FUT8: variants seen among roughly 807,000 people sequenced by gnomAD.
FUT8 encodes alpha-(1,6)-fucosyltransferase.
In FUT8, 29 loss-of-function variants were observed where a neutral mutation model predicts 71.3. That is an observed-to-expected ratio of 0.41 (90% CI 0.30 to 0.55). FUT8 has a LOEUF of 0.55. Among genes scored for constraint, FUT8 ranks in the 20% least tolerant of loss-of-function variants. The pLI is 0.34. For synonymous variants in FUT8, 254 were observed against 239.3 expected (o/e 1.06, Z -0.57); for missense variants, 544 against 702.1 (o/e 0.77, Z 2.55).
chr14:65,429,470 T>C (rs1157938758), intron 1 of FUT8, among the ~76,000 whole-genome samples: 1 of 152,226 alleles, frequency 6.6e-6, no homozygotes, highest in Non-Finnish European at 1.5e-5. Context: ...GCATTTCCAA[T>C]GTAGGTAAAC....
chr14:65,527,209 G>C (rs1418015604), intron 2 of FUT8, among the ~76,000 whole-genome samples: 1 of 152,176 alleles, frequency 6.6e-6, no homozygotes, highest in South Asian at 2.1e-4. Context: ...CCAATCAGAC[G>C]TAGATTTGGT....
intron 2 of FUT8, among the ~76,000 whole-genome samples, chr14:65,557,053 C>T (rs1449151798): frequency 6.6e-6 from 1 of 152,122 alleles, no homozygotes; most frequent in Non-Finnish European, 1.5e-5. Context: ...TTCTTCTGTG[C>T]CAAGCATTAT....
chr14:65,420,660 T>C (rs2065279836), intron 1 of FUT8, among the ~76,000 whole-genome samples: 2 of 152,022 alleles, frequency 1.3e-5, no homozygotes, highest in African/African-American at 4.8e-5. Flanking sequence ...AGTTGGTTTC[T>C]TCATATTTTA....
At chr14:65,412,600 T>G, upstream of FUT8, 2 of 308,414 alleles carry the variant, frequency 6.5e-6, no homozygotes, top group South Asian at 2.5e-5. Context: ...GCTGCTACGC[T>G]CTCCACCGGC....
intron 1 of FUT8, among the ~76,000 whole-genome samples, chr14:65,440,051 TAAGAACATGG>T (rs959264809): frequency 6.8e-6 from 1 of 147,944 alleles, no homozygotes; most frequent in Non-Finnish European, 1.5e-5. Flanking sequence ...TTGATATTTA[TAAGAACATGG>T]AAGAACTTGG....
At chr14:65,389,718 G>A in the FUT8 span, among the ~76,000 whole-genome samples, 4 of 151,792 alleles carry the variant, frequency 2.6e-5, no homozygotes, top group East Asian at 1.9e-4. Context: ...GCCTTCCAAA[G>A]TGCCGGGATT....
At chr14:65,391,145 T>G in the FUT8 span, among the ~76,000 whole-genome samples, 1 of 152,196 alleles carries the variant, frequency 6.6e-6, no homozygotes, top group Non-Finnish European at 1.5e-5. Context: ...TGTGTACATT[T>G]TTATACTATT....
chr14:65,617,037 C>T, intron 5 of FUT8: 2 of 1,546,830 alleles, frequency 1.3e-6, no homozygotes, highest in South Asian at 1.2e-5. Context: ...ATTATAAATA[C>T]AGTGAAACCT....
intron 2 of FUT8, among the ~76,000 whole-genome samples, chr14:65,497,858 C>T (rs938561942): frequency 6.6e-6 from 1 of 151,658 alleles, no homozygotes; most frequent in Non-Finnish European, 1.5e-5. Flanking sequence ...TTATAGTCTC[C>T]GAATAGGGTG....
chr14:65,633,487 A>T (rs1358936456), intron 6 of FUT8, among the ~76,000 whole-genome samples: 1 of 147,230 alleles, frequency 6.8e-6, no homozygotes, highest in Admixed American at 6.7e-5. Flanking sequence ...CCCAGTCTGG[A>T]AAGTGAGGAG....
At chr14:65,481,389 C>CT (rs943381454) in intron 2 of FUT8, among the ~76,000 whole-genome samples, 38 of 149,434 alleles carry the variant, frequency 2.5e-4, no homozygotes, top group Non-Finnish European at 2.1e-4. Flanking sequence ...GTAACATATA[C>CT]TTTTTTTTTT....
At chr14:65,723,813 T>C (rs2139359371) in intron 8 of FUT8, among the ~76,000 whole-genome samples, 1 of 152,360 alleles carries the variant, frequency 6.6e-6, no homozygotes, top group South Asian at 2.1e-4. Context: ...ATTCAGTTTT[T>C]TTCCAGACAG....
At chr14:65,381,112 A>G in the FUT8 span, among the ~76,000 whole-genome samples, 3 of 152,304 alleles carry the variant, frequency 2.0e-5, no homozygotes, top group Admixed American at 1.3e-4. Context: ...TGCAGGTTAA[A>G]TCCACTTCCT....
chr14:65,505,835 C>T (rs533340728), intron 2 of FUT8, among the ~76,000 whole-genome samples: 23 of 151,644 alleles, frequency 1.5e-4, no homozygotes, highest in African/African-American at 5.6e-4. Context: ...TTTTTGTGAC[C>T]ATCTCCAAGT....
At chr14:65,599,888 G>T (rs1695889110) in intron 3 of FUT8, among the ~76,000 whole-genome samples, 2 of 152,114 alleles carry the variant, frequency 1.3e-5, no homozygotes, top group African/African-American at 2.4e-5. Flanking sequence ...TAATACATAT[G>T]CTCTAACAAA....
At chr14:65,401,651 A>G in the FUT8 span, among the ~76,000 whole-genome samples, 30 of 152,334 alleles carry the variant, frequency 2.0e-4, no homozygotes, top group Admixed American at 6.5e-4. Flanking sequence ...TAATCCCAAC[A>G]CTTTGGAAGG....
intron 5 of FUT8, among the ~76,000 whole-genome samples, chr14:65,624,507 A>T (rs1391200260): frequency 6.6e-6 from 1 of 152,266 alleles, no homozygotes; most frequent in African/African-American, 2.4e-5. Flanking sequence ...AGCATAAACC[A>T]TGCTAATGCT....
At chr14:65,555,658 C>G (rs1430440833) in intron 2 of FUT8, among the ~76,000 whole-genome samples, 1 of 152,172 alleles carries the variant, frequency 6.6e-6, no homozygotes, top group African/African-American at 2.4e-5. Context: ...AGGCAGAAGG[C>G]TAAAGTGATC....
Position 65,466,979 on chromosome 14 carries a change from A to G in FUT8, c.-228+11261A>G, listed in dbSNP as rs80269789. Among the ~76,000 whole-genome samples, 980 of 152,102 alleles carry G rather than the reference A, an allele frequency of 6.4e-3. 16 individuals carry two copies. Among genetic ancestry groups the G allele is most frequent in the African/African-American group, 0.022 (907 of 41,510 alleles). ...TACAGTCACTAAATATATTGTTGCT[A>G]TTATTATTTTGAACAAGTTGTTATC... On this transcript the variant is annotated intron_variant, in intron 2 of 10. Transcript: ENST00000673929.
Sources: allele counts gnomAD v4.1 joint callset (sites outside exome capture counted in the v4.1 genomes callset), GRCh38; gene constraint gnomAD v4.1.1; transcripts MANE v1.5; gene names NCBI Gene and HGNC (gene_info 2026-07-23, HGNC 2026-07-21).